Variants in DMXL1 observed in about 807,000 individuals in gnomAD.
DMXL1 encodes Dmx like 1.
DMXL1 carries 99 observed loss-of-function variants against 319.2 expected under a neutral mutation model. The observed-to-expected ratio is 0.31, with a 90% confidence interval of 0.26 to 0.37. The LOEUF (loss-of-function observed/expected upper bound fraction) is 0.37. Ranked by LOEUF, DMXL1 falls within the 10% of genes least tolerant of loss-of-function variation. DMXL1 has a pLI of 1.00. For synonymous variants in DMXL1, 1,385 were observed against 1,235.2 expected (o/e 1.12, Z -2.54); for missense variants, 3,745 against 3,595.6 (o/e 1.04, Z -1.06).
At position 119,114,511 on chromosome 5, in the gene DMXL1, A is replaced by G. The variant is rs1276263410; in HGVS notation, c.534A>G (p.Pro178=). Residue 178 remains proline, a synonymous_variant, in exon 6 of 44, where the codon CCA becomes CCG. Coordinates refer to ENST00000539542, the MANE Select transcript of DMXL1 (RefSeq NM_001290321.3). ...ASQVHLMKFS[P]DGEFFATAGK... The stretch of plus-strand genomic sequence containing the variant: ...AAGTTCATTTAATGAAATTTTCACC[A>G]GATGGAGAATTTTTTGCCACTGCTG... The G allele has an allele frequency of 6.2e-7, 1 of 1,610,420 alleles. No homozygotes were observed. Among genetic ancestry groups the G allele is most frequent in the African/African-American group, 1.3e-5 (1 of 74,820 alleles).
chr5:119,119,570 C>CT (rs1439609135), intron 8 of DMXL1, among the ~76,000 whole-genome samples: 1 of 149,286 alleles, frequency 6.7e-6, no homozygotes, highest in Non-Finnish European at 1.5e-5. Context: ...GATTCTCACT[C>CT]TGTCAACCAG....
chr5:119,189,339 A>T (rs1332087493), intron 28 of DMXL1, among the ~76,000 whole-genome samples: 2 of 152,222 alleles, frequency 1.3e-5, no homozygotes, highest in African/African-American at 4.8e-5. Flanking sequence ...CTTTTAATTA[A>T]CACTGACATC....
rs1046615998 is a variant in DMXL1, at chr5:119,141,202, G to T, written c.2377-2639G>T. Among the ~76,000 whole-genome samples, 3 of 152,144 alleles carry T rather than the reference G, an allele frequency of 2.0e-5. No homozygotes were observed. In the East Asian group the frequency reaches 5.8e-4, roughly 29 times the overall value. ...CCCCCTGAAAACTGACACAAGGAAAGGATGCCCTGTCTTGCCACTCCTATT... is the reference window on the plus strand; with the variant it reads ...CCCCCTGAAAACTGACACAAGGAAATGATGCCCTGTCTTGCCACTCCTATT... On this transcript the variant is annotated intron_variant, in intron 13 of 43. Coordinates refer to ENST00000539542, the MANE Select transcript of DMXL1 (RefSeq NM_001290321.3).
At chr5:119,154,214 A>G (rs1470032948) in intron 19 of DMXL1, among the ~76,000 whole-genome samples, 2 of 152,212 alleles carry the variant, frequency 1.3e-5, no homozygotes, top group Non-Finnish European at 2.9e-5. Flanking sequence ...AGTGAAAGGA[A>G]GAGCTGCATA....
At chr5:119,192,985 C>A (rs552505131) in intron 29 of DMXL1, among the ~76,000 whole-genome samples, 5 of 152,278 alleles carry the variant, frequency 3.3e-5, no homozygotes, top group Non-Finnish European at 5.9e-5. Context: ...TTGGTTCTTT[C>A]TCCAAAATAT....
chr5:119,091,949 T>G (rs1383123795), intron 1 of DMXL1, among the ~76,000 whole-genome samples: 1 of 152,222 alleles, frequency 6.6e-6, no homozygotes, highest in African/African-American at 2.4e-5. Context: ...CTTTAGGCAC[T>G]TGTGATGCTT....
At chr5:119,081,671 C>A in intron 1 of DMXL1, 1 of 985,354 alleles carries the variant, frequency 1.0e-6, no homozygotes, top group Non-Finnish European at 1.2e-6. Context: ...TGAAGACCAA[C>A]TTAGACTTTA....
intron 8 of DMXL1, among the ~76,000 whole-genome samples, chr5:119,120,612 AGAC>A (rs1761831259): frequency 6.6e-6 from 1 of 152,252 alleles, no homozygotes; most frequent in Non-Finnish European, 1.5e-5. Context: ...TATAGACAAA[AGAC>A]AGTGTATGTA....
rs556031501 is a variant in DMXL1 at position 119,098,422 on chromosome 5, A to G, written c.213+318A>G. Among the ~76,000 whole-genome samples the G allele has an allele frequency of 4.0e-5, 6 of 149,920 alleles. No homozygotes were observed. In the South Asian group the frequency reaches 8.5e-4, roughly 21 times the overall value. On this transcript the variant is annotated intron_variant, in intron 2 of 43. Coordinates refer to ENST00000539542, the MANE Select transcript of DMXL1 (RefSeq NM_001290321.3). ...TAACAATGAATCTTCAATATTTACA[A>G]ATAAACTAAAGGAAATGATTTAGAA... is the stretch of plus-strand genomic sequence containing the variant.
intron 29 of DMXL1, among the ~76,000 whole-genome samples, chr5:119,190,741 T>G (rs1778567588): frequency 1.3e-5 from 2 of 152,210 alleles, no homozygotes; most frequent in African/African-American, 4.8e-5. Context: ...CAGAGGAATT[T>G]AGTGAAAGTG....
chr5:119,218,978 C>T (rs1460799493), intron 35 of DMXL1, among the ~76,000 whole-genome samples: 1 of 152,110 alleles, frequency 6.6e-6, no homozygotes, highest in Non-Finnish European at 1.5e-5. Context: ...CTGTTTGAGG[C>T]AGGCAGTGGA....
At chr5:119,100,940 GCTAAT>G (rs1350878415) in intron 2 of DMXL1, among the ~76,000 whole-genome samples, 4 of 120,692 alleles carry the variant, frequency 3.3e-5, no homozygotes, top group Non-Finnish European at 7.5e-5. Context: ...CCATCGCCCG[GCTAAT>G]TTTTTTTTGT....
At chr5:119,122,123 GGCCGGGCGGGGGGC>G in intron 9 of DMXL1, among the ~76,000 whole-genome samples, 1 of 141,578 alleles carries the variant, frequency 7.1e-6, no homozygotes, top group African/African-American at 2.7e-5. Context: ...CGGGGCGGCT[GGCCGGGCGGGGGGC>G]TGACCCCCCC....
At position 119,149,040 on chromosome 5, in the gene DMXL1, C is replaced by T. The variant is rs1259925441; in HGVS notation, c.3213C>T (p.Ser1071=). Residue 1071 remains serine, a synonymous_variant, in exon 18 of 44, where the codon TCC becomes TCT. Transcript: ENST00000539542. ...YKQPASNSRS[S]QDFVMHVSIF... Reference sequence around the variant, plus strand: ...AGCCTGCATCTAATAGTAGATCTTCCCAGGACTTTGTGATGCATGTAAGTA... The same window carrying T: ...AGCCTGCATCTAATAGTAGATCTTCTCAGGACTTTGTGATGCATGTAAGTA... The T allele has an allele frequency of 3.1e-6, 5 of 1,613,744 alleles. No homozygotes were observed. Among genetic ancestry groups the T allele is most frequent in the Non-Finnish European group, 4.2e-6 (5 of 1,179,870 alleles).
At chr5:119,162,837 T>A (rs1181970137) in intron 19 of DMXL1, among the ~76,000 whole-genome samples, 2 of 152,228 alleles carry the variant, frequency 1.3e-5, no homozygotes, top group Non-Finnish European at 2.9e-5. Flanking sequence ...ATGTAGGGTT[T>A]TTTTGTTTTG....
intron 28 of DMXL1, among the ~76,000 whole-genome samples, chr5:119,186,514 A>G (rs1777746804): frequency 6.6e-6 from 1 of 152,230 alleles, no homozygotes; most frequent in Non-Finnish European, 1.5e-5. Context: ...AATGACATTT[A>G]AATCTACATT....
chr5:119,176,613 A>G (rs1284954988), intron 26 of DMXL1, among the ~76,000 whole-genome samples: 1 of 152,078 alleles, frequency 6.6e-6, no homozygotes, highest in Admixed American at 6.6e-5. Flanking sequence ...GTTATAACCA[A>G]TGAGATTTGC....
At chr5:119,222,111 A>G (rs1784748701) in intron 37 of DMXL1, among the ~76,000 whole-genome samples, 1 of 152,166 alleles carries the variant, frequency 6.6e-6, no homozygotes, top group African/African-American at 2.4e-5. Context: ...GTTATCTTTA[A>G]TAATACCTTG....
intron 28 of DMXL1, among the ~76,000 whole-genome samples, chr5:119,183,167 T>G (rs1330633867): frequency 6.6e-6 from 1 of 152,218 alleles, no homozygotes; most frequent in African/African-American, 2.4e-5. Flanking sequence ...TATTTCTGAC[T>G]TATTACGCTA....
Sources: gnomAD v4.1 joint callset for allele counts (sites outside exome capture counted in the v4.1 genomes callset) on GRCh38, gnomAD v4.1.1 for gene constraint, MANE v1.5 for transcripts, NCBI Gene and HGNC (gene_info 2026-07-23, HGNC 2026-07-21) for gene names.